Variants in FBXO25 observed in about 807,000 individuals in gnomAD.
FBXO25 encodes F-box only protein 25.
FBXO25 carries 45 observed loss-of-function variants against 51.9 expected under a neutral mutation model. That is an observed-to-expected ratio of 0.87 (90% CI 0.68 to 1.11). FBXO25 has a LOEUF of 1.11. Among genes scored for constraint, FBXO25 ranks in the 50% most tolerant of loss-of-function variants. FBXO25 has a pLI of 0.00. For missense variants in FBXO25, 507 were observed against 428.5 expected, an observed-to-expected ratio of 1.18 and a Z score of -1.62; for synonymous variants, 199 against 151.0, an observed-to-expected ratio of 1.32 and a Z score of -2.33.
At chr8:456,366 G>A (rs1047950254) in intron 7 of FBXO25, among the ~76,000 whole-genome samples, 4 of 152,064 alleles carry the variant, frequency 2.6e-5, no homozygotes, top group Non-Finnish European at 4.4e-5. Flanking sequence ...TGAGCCACCC[G>A]GCCTGGCCAT....
chr8:426,998 T>C (rs1704950848), intron 2 of FBXO25, among the ~76,000 whole-genome samples: 1 of 152,128 alleles, frequency 6.6e-6, no homozygotes, highest in African/African-American at 2.4e-5. Context: ...TTTCTTTTTA[T>C]AATTAGAGAC....
chr8:423,324 CA>C (rs1282186403), intron 2 of FBXO25, among the ~76,000 whole-genome samples: 2 of 152,274 alleles, frequency 1.3e-5, no homozygotes, highest in African/African-American at 4.8e-5. Flanking sequence ...ATTTTAGATA[CA>C]GGGGGTCCAT....
rs770895746 is a variant in FBXO25 at position 476,408 on chromosome 8, T to G, written c.*7604T>G. On this transcript the variant is annotated 3_prime_UTR_variant, in exon 10 of 10. Transcript: ENST00000350302. ...GAATGCATTTGGAAGTGTCCTTTCC[T>G]CTTCAGTTTTTTGGAAGAGTTTGAG... 13 of 152,222 alleles carry G rather than the reference T, an allele frequency of 8.5e-5. No individual in the cohort carries two copies. The highest frequency in any genetic ancestry group is 1.8e-4 in the Non-Finnish European group (12 of 68,032). The allele number at this position is 152,222 out of a possible 1,614,324, so 9.4% of individuals were successfully genotyped here.
chr8:407,240 GGT>G, intron 1 of FBXO25, among the ~76,000 whole-genome samples, 174 bp downstream of exon 1: 1 of 150,808 alleles, frequency 6.6e-6, no homozygotes, highest in Middle Eastern at 3.2e-3. Flanking sequence ...GAGCGCGTCA[GGT>G]GGGGACGGGG....
chr8:460,090 A>G (rs528679216), intron 8 of FBXO25, among the ~76,000 whole-genome samples: 1 of 152,082 alleles, frequency 6.6e-6, no homozygotes, highest in Non-Finnish European at 1.5e-5. Context: ...AAAGAGGTAA[A>G]TGAAGGTTGC....
chr8:420,573 C>T (rs1398029420), intron 2 of FBXO25: 3 of 152,212 alleles, frequency 2.0e-5, no homozygotes, highest in African/African-American at 7.2e-5. Flanking sequence ...ATTGTGGTAA[C>T]ATCTCTACAG....
intron 8 of FBXO25, among the ~76,000 whole-genome samples, 164 bp from the exon 9 acceptor site, chr8:462,843 A>C (rs1799901751): frequency 6.6e-6 from 1 of 152,190 alleles, no homozygotes; most frequent in South Asian, 2.1e-4. Context: ...AGACTTCAGC[A>C]CTGTACAATT....
intron 2 of FBXO25, among the ~76,000 whole-genome samples, chr8:427,137 C>T (rs1161752909): frequency 6.6e-6 from 1 of 151,868 alleles, no homozygotes; most frequent in East Asian, 1.9e-4. Context: ...TAGTAGGTAG[C>T]CATTGATGAA....
At chr8:453,640 G>A (rs185489460) in intron 7 of FBXO25, among the ~76,000 whole-genome samples, 4 of 152,182 alleles carry the variant, frequency 2.6e-5, no homozygotes, top group South Asian at 2.1e-4. Flanking sequence ...GCTTATTCAC[G>A]TGAATTTTGA....
intron 8 of FBXO25, 31 bp from the exon 9 acceptor site, chr8:462,976 G>A (rs1799916210): frequency 2.5e-6 from 4 of 1,587,828 alleles, no homozygotes; most frequent in Non-Finnish European, 3.4e-6. Flanking sequence ...GTCATCTTAT[G>A]CGGATTCTGA....
At chr8:445,187 C>G (rs1798663113) in intron 5 of FBXO25, among the ~76,000 whole-genome samples, 1 of 152,204 alleles carries the variant, frequency 6.6e-6, no homozygotes, top group African/African-American at 2.4e-5. Context: ...GATGTCCATT[C>G]TGTAGTCCTC....
chr8:407,345 G>A lies in FBXO25; in HGVS notation c.-8+279G>A, dbSNP rs558130091. On this transcript the variant is annotated intron_variant, in intron 1 of 9. Coordinates refer to ENST00000350302, the MANE Select transcript of FBXO25 (RefSeq NM_183420.2). ...CGCGTCAGGTGGGGACGGGATTGCC[G>A]CGTGCGCGTCTGCTGAAGTCTGGGT... is the stretch of plus-strand genomic sequence containing the variant. 39 of 971,002 alleles carry A rather than the reference G, an allele frequency of 4.0e-5. No homozygotes were observed. The South Asian group carries it at 1.7e-3, about 42-fold the overall frequency. The allele number at this position is 971,002 out of a possible 1,614,324, so 60.1% of individuals were successfully genotyped here. A position where few individuals can be genotyped will look rare whatever the true frequency, so the allele number is the denominator to read the frequency against.
chr8:409,208 C>T (rs1416972513), intron 1 of FBXO25, among the ~76,000 whole-genome samples: 1 of 152,122 alleles, frequency 6.6e-6, no homozygotes, highest in Non-Finnish European at 1.5e-5. Flanking sequence ...AATCTGCATC[C>T]AGAGTTTGTG....
intron 9 of FBXO25, among the ~76,000 whole-genome samples, chr8:463,616 A>G (rs1799958204): frequency 1.3e-5 from 2 of 152,198 alleles, no homozygotes; most frequent in Non-Finnish European, 2.9e-5. Flanking sequence ...ACATTCTTAG[A>G]AAAAAAGTGT....
chr8:452,578 C>G (rs1256451118), intron 7 of FBXO25, among the ~76,000 whole-genome samples: 1 of 152,202 alleles, frequency 6.6e-6, no homozygotes, highest in African/African-American at 2.4e-5. Context: ...AGCAGGTGAC[C>G]TTCTGGGGAG....
chr8:425,249 A>G (rs970314847), intron 2 of FBXO25, among the ~76,000 whole-genome samples: 2 of 152,030 alleles, frequency 1.3e-5, no homozygotes, highest in Non-Finnish European at 2.9e-5. Flanking sequence ...CCAAGTGTAT[A>G]TTCCTAGACA....
At chr8:407,921 T>C (rs1454690312) in intron 1 of FBXO25, among the ~76,000 whole-genome samples, 3 of 152,236 alleles carry the variant, frequency 2.0e-5, no homozygotes, top group Non-Finnish European at 4.4e-5. Context: ...CAAACTCATT[T>C]TGAAGACTAA....
chr8:420,208 G>T (rs141730783), intron 2 of FBXO25, among the ~76,000 whole-genome samples: 7 of 152,276 alleles, frequency 4.6e-5, no homozygotes, highest in African/African-American at 1.7e-4. Flanking sequence ...GATTTGGAAG[G>T]CTGTGCACCT....
Position 476,014 on chromosome 8 carries a change from T to TGTTC in FBXO25, c.*7211_*7214dup, listed in dbSNP as rs1245774234. Reference sequence around the variant, plus strand: ...ATTGAATATGATGTTTACAGTGGGATGTTCATATGGCCTCTATTTTAGGTT... The same window carrying TGTTC: ...ATTGAATATGATGTTTACAGTGGGATGTTCGTTCATATGGCCTCTATTTTAGGTT... On this transcript the variant is annotated 3_prime_UTR_variant, in exon 10 of 10. Coordinates refer to ENST00000350302, the MANE Select transcript of FBXO25 (RefSeq NM_183420.2). 3 of 152,182 alleles carry TGTTC rather than the reference T, an allele frequency of 2.0e-5. No homozygotes were observed. The highest frequency in any genetic ancestry group is 4.4e-5 in the Non-Finnish European group (3 of 68,020). 9.4% of individuals were successfully genotyped at this position (152,182 alleles called of 1,614,324 possible). A position where few individuals can be genotyped will look rare whatever the true frequency, so the allele number is the denominator to read the frequency against.
Sources: gnomAD v4.1 joint callset for allele counts (sites outside exome capture counted in the v4.1 genomes callset) on GRCh38, gnomAD v4.1.1 for gene constraint, MANE v1.5 for transcripts, NCBI Gene and HGNC (gene_info 2026-07-23, HGNC 2026-07-21) for gene names.